Variants in POC1B observed in about 807,000 individuals in gnomAD.
POC1B encodes the protein POC1 centriolar protein homolog B.
A neutral mutation model predicts 60.6 loss-of-function variants in POC1B; 44 were observed. The observed-to-expected ratio is 0.73, with a 90% CI of 0.57 to 0.93. POC1B has a LOEUF of 0.93. Ranked by LOEUF, POC1B falls within the 40% of genes least tolerant of loss-of-function variation. POC1B has a pLI of 0.00. For missense variants in POC1B, 555 were observed against 572.3 expected, an observed-to-expected ratio of 0.97 and a Z score of 0.31; for synonymous variants, 180 against 198.9, an observed-to-expected ratio of 0.90 and a Z score of 0.80.
chr12:89,525,359 G>C, intron 1 of POC1B, 155 bp from the exon 2 acceptor site: 1 of 1,427,686 alleles, frequency 7.0e-7, no homozygotes, highest in Non-Finnish European at 9.1e-7. Flanking sequence ...GCCCACCCAC[G>C]GGCGCGGCGC....
chr12:89,416,062 A>G (rs1880358623), downstream of POC1B, among the ~76,000 whole-genome samples: 1 of 152,248 alleles, frequency 6.6e-6, no homozygotes, highest in South Asian at 2.1e-4. Context: ...AAATGAAAAT[A>G]AAAAATACTC....
chr12:89,443,892 A>G (rs1163086991), intron 10 of POC1B, among the ~76,000 whole-genome samples: 2 of 152,206 alleles, frequency 1.3e-5, no homozygotes, highest in Non-Finnish European at 2.9e-5. Flanking sequence ...GAAGAATCAA[A>G]TAGATGCAAT....
chr12:89,481,101 T>C (rs1376216855), intron 4 of POC1B, among the ~76,000 whole-genome samples: 1 of 151,774 alleles, frequency 6.6e-6, no homozygotes, highest in Non-Finnish European at 1.5e-5. Flanking sequence ...CTCAAACTCC[T>C]GGCCTCGAGT....
intron 10 of POC1B, among the ~76,000 whole-genome samples, chr12:89,431,907 C>T (rs1407168389): frequency 6.6e-6 from 1 of 152,230 alleles, no homozygotes; most frequent in Non-Finnish European, 1.5e-5. Flanking sequence ...AGGAGAGAAT[C>T]CATTCCTTGC....
downstream of POC1B, among the ~76,000 whole-genome samples, chr12:89,415,540 G>A (rs1213075290): frequency 1.3e-5 from 2 of 152,030 alleles, no homozygotes; most frequent in African/African-American, 4.8e-5. Context: ...CTACTCGGGA[G>A]GCTGAGGCAG....
intron 10 of POC1B, chr12:89,426,047 A>G (rs1445835627): frequency 6.6e-6 from 1 of 152,244 alleles, no homozygotes; most frequent in Non-Finnish European, 1.5e-5. Flanking sequence ...AATGAAATAT[A>G]ATTCAGCCAT....
chr12:89,404,284 C>T, the POC1B span, among the ~76,000 whole-genome samples: 13 of 152,192 alleles, frequency 8.5e-5, no homozygotes, highest in African/African-American at 3.1e-4. Flanking sequence ...CTTCCTTATA[C>T]CTAAGTGGCC....
chr12:89,498,973 G>C (rs1869397527), intron 2 of POC1B, among the ~76,000 whole-genome samples: 1 of 152,172 alleles, frequency 6.6e-6, no homozygotes, highest in Non-Finnish European at 1.5e-5. Context: ...TCCACTCTGA[G>C]GAAAGGACAT....
At chr12:89,503,078 T>TCTATCC (rs150344164) in intron 2 of POC1B, among the ~76,000 whole-genome samples, 68,728 of 149,608 alleles carry the variant, frequency 0.46, 16,217 homozygotes, top group Non-Finnish European at 0.5. Flanking sequence ...AAAAAAGACA[T>TCTATCC]CTATCCCTAT....
intron 4 of POC1B, among the ~76,000 whole-genome samples, chr12:89,481,706 G>A (rs1227863306): frequency 3.3e-5 from 5 of 152,142 alleles, no homozygotes; most frequent in East Asian, 1.9e-4. Context: ...AAAGCTGCCC[G>A]TGCAAAGGCA....
At chr12:89,402,027 G>T in the POC1B span, among the ~76,000 whole-genome samples, 33 of 152,192 alleles carry the variant, frequency 2.2e-4, no homozygotes, top group African/African-American at 7.7e-4. Context: ...TCACCCCAAG[G>T]AGATGAGAGA....
intron 2 of POC1B, chr12:89,500,788 AT>A: frequency 9.9e-7 from 1 of 1,013,620 alleles, no homozygotes; most frequent in Non-Finnish European, 1.5e-6. Flanking sequence ...GATAAAGAGG[AT>A]AAAACATCAG....
Position 89,500,435 on chromosome 12 carries a change from G to A in POC1B, c.101-3093C>T, listed in dbSNP as rs1357932167. The A allele has an allele frequency of 1.4e-5, 21 of 1,546,800 alleles. No homozygotes were observed. The East Asian group carries it at 4.7e-4, about 35-fold the overall frequency. On this transcript the variant is annotated intron_variant, in intron 2 of 11. Transcript: ENST00000313546. ...CACCAACAGATCAGTTCAGGCCCAT[G>A]AAGTTCGTCAGAAAATTCTGGCAAC...
chr12:89,515,353 C>T (rs952374836), intron 2 of POC1B, among the ~76,000 whole-genome samples: 1 of 152,048 alleles, frequency 6.6e-6, no homozygotes, highest in Non-Finnish European at 1.5e-5. Context: ...AGGCTGGTCT[C>T]AAACTCCTGG....
At chr12:89,456,443 T>C (rs897613189) in intron 10 of POC1B, among the ~76,000 whole-genome samples, 1 of 152,204 alleles carries the variant, frequency 6.6e-6, no homozygotes, top group Non-Finnish European at 1.5e-5. Flanking sequence ...ATAAATGCCC[T>C]ACCATAATTT....
chr12:89,446,291 A>G (rs1051617778), intron 10 of POC1B, among the ~76,000 whole-genome samples: 1 of 152,270 alleles, frequency 6.6e-6, no homozygotes, highest in African/African-American at 2.4e-5. Flanking sequence ...GCTGCTATAA[A>G]GACACATGCA....
chr12:89,445,182 C>T (rs1881721973), intron 10 of POC1B, among the ~76,000 whole-genome samples: 1 of 152,138 alleles, frequency 6.6e-6, no homozygotes, highest in South Asian at 2.1e-4. Context: ...CCATACTGCC[C>T]AAGGTAATTT....
At chr12:89,482,897 T>C (rs2135729614) in intron 4 of POC1B, among the ~76,000 whole-genome samples, 1 of 151,848 alleles carries the variant, frequency 6.6e-6, no homozygotes, top group East Asian at 1.9e-4. Context: ...GGTAATTGAA[T>C]CATGGGGGTG....
the POC1B span, among the ~76,000 whole-genome samples, chr12:89,409,757 A>C: frequency 6.6e-6 from 1 of 152,242 alleles, no homozygotes; most frequent in Non-Finnish European, 1.5e-5. Context: ...TAAACCATGA[A>C]GAAGTCGAAT....
Sources: allele counts gnomAD v4.1 joint callset (sites outside exome capture counted in the v4.1 genomes callset), GRCh38; gene constraint gnomAD v4.1.1; transcripts MANE v1.5; gene names NCBI Gene and HGNC (gene_info 2026-07-23, HGNC 2026-07-21).